CSMD1: variants seen among roughly 807,000 people sequenced by gnomAD.
CSMD1 encodes the protein CUB and sushi domain-containing protein 1.
CSMD1 carries 213 observed loss-of-function variants against 417.5 expected under a neutral mutation model. The observed-to-expected ratio is 0.51, with a 90% CI of 0.46 to 0.57. The LOEUF is 0.57. Ranked by LOEUF, CSMD1 falls within the 20% of genes least tolerant of loss-of-function variation. The pLI is 0.00. For missense variants in CSMD1, 6,923 were observed against 4,529.7 expected (o/e 1.53, Z -15.17); for synonymous variants, 2,862 against 1,736.8 (o/e 1.65, Z -16.11).
At chr8:4,408,274 A>G (rs1472999282) in intron 3 of CSMD1, among the ~76,000 whole-genome samples, 1 of 152,188 alleles carries the variant, frequency 6.6e-6, no homozygotes, top group South Asian at 2.1e-4. Flanking sequence ...AAAGAATATA[A>G]GGTTATATTA....
intron 3 of CSMD1, among the ~76,000 whole-genome samples, chr8:4,093,149 G>T (rs776342794): frequency 6.6e-6 from 1 of 152,130 alleles, no homozygotes; most frequent in African/African-American, 2.4e-5. Context: ...AAGTCATATT[G>T]ACTGTTTGCA....
chr8:4,594,904 G>T (rs749227361), intron 2 of CSMD1, among the ~76,000 whole-genome samples: 1 of 152,132 alleles, frequency 6.6e-6, no homozygotes, highest in Non-Finnish European at 1.5e-5. Context: ...AATGTGGATG[G>T]TTATAGTGGT....
At chr8:4,313,728 G>C (rs1032120904) in intron 3 of CSMD1, among the ~76,000 whole-genome samples, 6 of 152,010 alleles carry the variant, frequency 3.9e-5, no homozygotes, top group Admixed American at 2.0e-4. Context: ...AAAAAAAGCA[G>C]AACTAGGCCG....
intron 2 of CSMD1, among the ~76,000 whole-genome samples, chr8:4,424,258 G>A (rs1468746269): frequency 6.6e-6 from 1 of 151,988 alleles, no homozygotes; most frequent in East Asian, 1.9e-4. Flanking sequence ...AGTGTATGCT[G>A]CAGACTGGGA....
intron 3 of CSMD1, among the ~76,000 whole-genome samples, chr8:4,227,569 G>C (rs765862946): frequency 3.3e-5 from 5 of 152,012 alleles, no homozygotes; most frequent in Non-Finnish European, 5.9e-5. Context: ...TAATTATTCA[G>C]AAGAGAAGTC....
Position 3,964,957 on chromosome 8 carries a change from G to A in CSMD1, c.818+32946C>T, listed in dbSNP as rs1437745073. ...CATTTTGGGGGTTTATCCTCGTCAT[G>A]TAATTCTTGGAGAGTCACAGCAAAC... On this transcript the variant is annotated intron_variant, in intron 5 of 69. Transcript: ENST00000635120. 3.9e-5 allele frequency among the ~76,000 whole-genome samples: 6 copies of A among 152,244 alleles called. No homozygotes were observed. In the East Asian group the frequency reaches 1.2e-3, roughly 29 times the overall value.
intron 1 of CSMD1, among the ~76,000 whole-genome samples, chr8:4,733,640 G>T (rs564615658): frequency 6.6e-6 from 1 of 152,190 alleles, no homozygotes; most frequent in South Asian, 2.1e-4. Flanking sequence ...AGTCTACACT[G>T]CATTTTTAAC....
At chr8:4,115,890 C>A (rs922574971) in intron 3 of CSMD1, among the ~76,000 whole-genome samples, 1 of 151,940 alleles carries the variant, frequency 6.6e-6, no homozygotes, top group Non-Finnish European at 1.5e-5. Flanking sequence ...AACAGGAAGA[C>A]AGAAGAAAGA....
chr8:3,405,984 T>G (rs528145406), intron 15 of CSMD1, 43 bp downstream of exon 15: 3 of 1,579,892 alleles, frequency 1.9e-6, no homozygotes, highest in Admixed American at 1.7e-5. Flanking sequence ...AAGATAGATG[T>G]GTGATTTCAA....
rs528615494 is a variant in CSMD1, at chr8:2,958,121, AT to A, written c.9703-315del. 4.0e-5 allele frequency among the ~76,000 whole-genome samples: 6 copies of A among 151,476 alleles called. No individual in the cohort carries two copies. In the South Asian group the frequency reaches 1.0e-3, roughly 26 times the overall value. On this transcript the variant is annotated intron_variant, in intron 62 of 69. Coordinates refer to ENST00000635120, the MANE Select transcript of CSMD1 (RefSeq NM_033225.6). ...TGTAATAATTATTATTTCCTTTTTC[AT>A]TTTTTTCCTGCCACTCACATTTGAA...
intron 1 of CSMD1, among the ~76,000 whole-genome samples, chr8:4,760,925 A>G (rs1812000143): frequency 6.6e-6 from 1 of 152,160 alleles, no homozygotes; most frequent in Non-Finnish European, 1.5e-5. Flanking sequence ...TATCTTTCTC[A>G]AGCTTATTTA....
At chr8:3,626,771 T>C (rs1462086154) in intron 7 of CSMD1, among the ~76,000 whole-genome samples, 1 of 150,400 alleles carries the variant, frequency 6.6e-6, no homozygotes, top group Non-Finnish European at 1.5e-5. Flanking sequence ...GTATTCAGAA[T>C]AAGAGAATAG....
chr8:4,852,550 T>C (rs1000027934), intron 1 of CSMD1, among the ~76,000 whole-genome samples: 4 of 152,096 alleles, frequency 2.6e-5, no homozygotes, highest in African/African-American at 9.7e-5. Context: ...TATTTCTACA[T>C]GGAAATTCAA....
At chr8:4,366,833 T>A (rs1470428973) in intron 3 of CSMD1, among the ~76,000 whole-genome samples, 3 of 152,172 alleles carry the variant, frequency 2.0e-5, no homozygotes, top group Non-Finnish European at 4.4e-5. Context: ...GTTTGCTGGC[T>A]GCTTGTTTAT....
intron 5 of CSMD1, among the ~76,000 whole-genome samples, chr8:3,888,442 C>A (rs115171270): frequency 6.6e-6 from 1 of 152,136 alleles, no homozygotes; most frequent in African/African-American, 2.4e-5. Context: ...GGTTCATGTG[C>A]AAATGCATAA....
At chr8:3,995,640 C>T (rs1184676940) in intron 5 of CSMD1, among the ~76,000 whole-genome samples, 2 of 152,174 alleles carry the variant, frequency 1.3e-5, no homozygotes, top group African/African-American at 4.8e-5. Flanking sequence ...TTGTCCTCTG[C>T]ATATCTCAGT....
chr8:3,009,902 G>A (rs1036086193), intron 52 of CSMD1, among the ~76,000 whole-genome samples: 1 of 152,180 alleles, frequency 6.6e-6, no homozygotes, highest in East Asian at 1.9e-4. Context: ...AACCAGTTTG[G>A]TTTGAAGAAA....
intron 1 of CSMD1, among the ~76,000 whole-genome samples, chr8:4,931,158 T>C (rs556405233): frequency 1.3e-5 from 2 of 152,216 alleles, no homozygotes; most frequent in African/African-American, 4.8e-5. Flanking sequence ...TTAATTTGTG[T>C]CTTATATGAA....
At chr8:4,931,167 A>G (rs763731333) in intron 1 of CSMD1, among the ~76,000 whole-genome samples, 1 of 152,174 alleles carries the variant, frequency 6.6e-6, no homozygotes, top group African/African-American at 2.4e-5. Flanking sequence ...GTCTTATATG[A>G]AATAAAGTTA....
Sources: allele counts gnomAD v4.1 joint callset (sites outside exome capture counted in the v4.1 genomes callset), GRCh38; gene constraint gnomAD v4.1.1; transcripts MANE v1.5; gene names NCBI Gene and HGNC (gene_info 2026-07-23, HGNC 2026-07-21).